Variants in ANKUB1 observed in about 807,000 individuals in gnomAD.
ANKUB1 encodes the protein ankyrin repeat and ubiquitin domain containing 1.
A neutral mutation model predicts 49.3 loss-of-function variants in ANKUB1; 42 were observed. The ratio of observed to expected loss-of-function variants is 0.85; its 90% CI spans 0.67 to 1.10. ANKUB1 has a LOEUF of 1.10. ANKUB1 is among the 50% of genes least tolerant of loss of function. The pLI, the probability that ANKUB1 is intolerant of heterozygous loss-of-function variation, is 0.00. For missense variants in ANKUB1, 613 were observed against 642.0 expected (o/e 0.95, Z 0.49); for synonymous variants, 222 against 231.0 (o/e 0.96, Z 0.35).
chr3:149,776,969 C>A (rs1343332397), intron 3 of ANKUB1, among the ~76,000 whole-genome samples: 1 of 111,864 alleles, frequency 8.9e-6, no homozygotes, highest in Non-Finnish European at 1.7e-5. Context: ...GGAGTGAGAC[C>A]CTGTCTCAAA....
intron 5 of ANKUB1, among the ~76,000 whole-genome samples, chr3:149,765,351 G>T (rs933750813): frequency 6.6e-6 from 1 of 152,050 alleles, no homozygotes; most frequent in Admixed American, 6.5e-5. Context: ...AATTTTGGGG[G>T]GTGCTGGAAA....
chr3:149,780,365 C>T lies in ANKUB1; in HGVS notation c.325G>A (p.Val109Met). The change falls in exon 3 of 6, where the codon GTG becomes ATG. Residue 109 changes from valine (V) to methionine (M), a missense_variant. By Grantham distance (21) the Val-to-Met change is conservative (BLOSUM62 1). Transcript: ENST00000446160. ...GTTACCAGTGTTCTCAGATCAGACA[C>T]TGTTTTATCAAGAAGGGAAATGCTC... ...MESISLLDKTVSDLRTLVTLR... is the reference protein window; with the variant it reads ...MESISLLDKTMSDLRTLVTLR... 1 of 1,552,094 alleles carries T rather than the reference C, an allele frequency of 6.4e-7. No individual in the cohort carries two copies. Among genetic ancestry groups the T allele is most frequent in the Non-Finnish European group, 8.7e-7 (1 of 1,147,064 alleles).
At chr3:149,762,628 A>G (rs992403096) in intron 5 of ANKUB1, among the ~76,000 whole-genome samples, 1 of 152,142 alleles carries the variant, frequency 6.6e-6, no homozygotes, top group Non-Finnish European at 1.5e-5. Context: ...ACATCTTTCC[A>G]ACGAGTCTTC....
Position 149,770,556 on chromosome 3 carries a change from A to G in ANKUB1, c.566+4T>C. The G allele has an allele frequency of 1.3e-6, 2 of 1,528,404 alleles. No homozygotes were observed. Among genetic ancestry groups the G allele is most frequent in the South Asian group, 2.4e-5 (2 of 81,822 alleles). 94.7% of individuals were successfully genotyped at this position (1,528,404 alleles called of 1,614,324 possible). ...TAAGTTAATTTAAAATTAATTTCTC[A>G]TACTTGAGTACTGGTCCTTCTTTTG... On this transcript the variant is annotated splice_donor_region_variant and intron_variant, in intron 4 of 5. Transcript: ENST00000446160.
intron 3 of ANKUB1, among the ~76,000 whole-genome samples, chr3:149,777,455 G>A (rs1366662098): frequency 2.0e-5 from 3 of 151,170 alleles, no homozygotes; most frequent in Admixed American, 6.6e-5. Context: ...CTGGCAACAG[G>A]CAAGACTGTG....
intron 2 of ANKUB1, among the ~76,000 whole-genome samples, chr3:149,788,128 T>C (rs1718192254): frequency 6.6e-6 from 1 of 152,202 alleles, no homozygotes; most frequent in Admixed American, 6.5e-5. Context: ...AGGTACTACT[T>C]AAATGTGTAT....
At position 149,767,826 on chromosome 3, in the gene ANKUB1, G is replaced by A. The variant is rs889592022; in HGVS notation, c.836C>T (p.Thr279Ile). The A allele has an allele frequency of 1.3e-6, 2 of 1,551,616 alleles. No individual in the cohort carries two copies. The highest frequency in any genetic ancestry group is 2.7e-5 in the African/African-American group (2 of 73,050). Reference protein sequence around the residue: ...CKNAAGQTPLTIVFKHKHKDC... With the variant: ...CKNAAGQTPLIIVFKHKHKDC... ...TTTATGCTTGTGTTTGAACACAATG[G>A]TCAGGGGAGTTTGTCCTGCTGCATT... The change falls in exon 5 of 6, where the codon ACC becomes ATC. Residue 279 changes from threonine (T) to isoleucine (I), a missense_variant. Coordinates refer to ENST00000446160, the MANE Select transcript of ANKUB1 (RefSeq NM_001144960.3).
At chr3:149,763,957 A>T in intron 5 of ANKUB1, 1 of 456,254 alleles carries the variant, frequency 2.2e-6, no homozygotes. Flanking sequence ...ACATGATGCC[A>T]GATGACTTGT....
chr3:149,778,768 A>T (rs1249491005), intron 3 of ANKUB1: 1 of 152,238 alleles, frequency 6.6e-6, no homozygotes, highest in African/African-American at 2.4e-5. Context: ...TTAATTTAAA[A>T]TAATAGGAAA....
chr3:149,781,087 T>C (rs1262598843), intron 2 of ANKUB1, among the ~76,000 whole-genome samples: 1 of 150,356 alleles, frequency 6.7e-6, no homozygotes, highest in Non-Finnish European at 1.5e-5. Flanking sequence ...TGGCCTCCCA[T>C]AGTGTTGGGA....
At chr3:149,791,033 G>T in intron 1 of ANKUB1, 109 bp from the exon 2 acceptor site, 2 of 1,110,536 alleles carry the variant, frequency 1.8e-6, no homozygotes, top group Non-Finnish European at 2.5e-6. Flanking sequence ...ATAATTGTTT[G>T]GGACAAAGGG....
intron 2 of ANKUB1, among the ~76,000 whole-genome samples, chr3:149,786,473 G>A (rs1314747465): frequency 6.6e-6 from 1 of 152,134 alleles, no homozygotes; most frequent in African/African-American, 2.4e-5. Flanking sequence ...TGTAGATTCT[G>A]GATATTAGCC....
intron 3 of ANKUB1, chr3:149,779,783 T>TAAAA: frequency 6.1e-6 from 1 of 164,738 alleles, no homozygotes; most frequent in Admixed American, 5.7e-5. Context: ...CTGAGGATAT[T>TAAAA]AATGAATCTG....
Position 149,767,306 on chromosome 3 carries a change from A to T in ANKUB1, c.1356T>A (p.Pro452=). The change falls in exon 5 of 6, where the codon CCT becomes CCA. Residue 452 remains proline (P), a synonymous_variant. Coordinates refer to ENST00000446160, the MANE Select transcript of ANKUB1 (RefSeq NM_001144960.3). ...GTGAATATCCCACTCTTGAAACTGG[A>T]GGGAGGGGGACTTGGGGAAGATATG... ...KNTYLPQVPL[P]PVSRVGYSHP... The T allele has an allele frequency of 6.4e-7, 1 of 1,551,462 alleles. No individual in the cohort carries two copies. Among genetic ancestry groups the T allele is most frequent in the South Asian group, 1.2e-5 (1 of 84,016 alleles).
At chr3:149,789,428 A>G (rs1051944287) in intron 2 of ANKUB1, among the ~76,000 whole-genome samples, 1 of 152,186 alleles carries the variant, frequency 6.6e-6, no homozygotes, top group Admixed American at 6.5e-5. Context: ...AAATATGTAA[A>G]GAGAAGACAT....
chr3:149,790,577 A>G (rs751052652), intron 2 of ANKUB1, among the ~76,000 whole-genome samples: 5 of 152,190 alleles, frequency 3.3e-5, no homozygotes, highest in Non-Finnish European at 5.9e-5. Flanking sequence ...AAGAGTAAAG[A>G]GGGGGCAACT....
At chr3:149,786,023 T>TTTTATTTATTTATATATTTATTTA (rs1718083650) in intron 2 of ANKUB1, among the ~76,000 whole-genome samples, 1 of 151,716 alleles carries the variant, frequency 6.6e-6, no homozygotes, top group Non-Finnish European at 1.5e-5. Flanking sequence ...GATGATGAGC[T>TTTTATTTATTTATATATTTATTTA]TTTATTTATT....
At chr3:149,773,233 T>C (rs985347525) in intron 3 of ANKUB1, among the ~76,000 whole-genome samples, 1 of 152,192 alleles carries the variant, frequency 6.6e-6, no homozygotes, top group Non-Finnish European at 1.5e-5. Context: ...CCCTCCCTTA[T>C]TGGACATTCT....
intron 3 of ANKUB1, chr3:149,778,674 C>T (rs1227984186): frequency 1.3e-5 from 2 of 152,028 alleles, no homozygotes; most frequent in African/African-American, 4.8e-5. Flanking sequence ...TGCACTATAG[C>T]AAAGTACTCT....
Sources: gnomAD v4.1 joint callset for allele counts (sites outside exome capture counted in the v4.1 genomes callset) on GRCh38, gnomAD v4.1.1 for gene constraint, MANE v1.5 for transcripts, NCBI Gene and HGNC (gene_info 2026-07-23, HGNC 2026-07-21) for gene names.